RNF213: variants seen among roughly 807,000 people sequenced by gnomAD.
RNF213 encodes the protein ring finger protein 213.
Under a neutral mutation model 514.4 loss-of-function variants are expected in RNF213, and 341 were observed. The ratio of observed to expected loss-of-function variants is 0.66; its 90% CI spans 0.61 to 0.73. The LOEUF (loss-of-function observed/expected upper bound fraction) is 0.73, where lower values mean the gene tolerates loss of function less well. Among genes scored for constraint, RNF213 ranks in the 30% least tolerant of loss-of-function variants. The pLI is 0.00. For synonymous variants in RNF213, 2,655 were observed against 2,658.2 expected, an observed-to-expected ratio of 1.00 and a Z score of 0.04; for missense variants, 5,767 against 6,615.6, an observed-to-expected ratio of 0.87 and a Z score of 4.45.
Position 80,386,405 on chromosome 17 carries a change from G to A in RNF213, c.14695G>A (p.Glu4899Lys), listed in dbSNP as rs757686757. The change falls in exon 62 of 68, where the codon GAA becomes AAA. Residue 4899 changes from glutamate to lysine, a missense_variant. Around this residue, in one of 13 missense-constraint regions of RNF213, gnomAD observed 1,245 missense variants for 1,339.0 expected, o/e 0.93. Coordinates refer to ENST00000582970, the MANE Select transcript of RNF213 (RefSeq NM_001256071.3). ...ACACAATGAAATTGTCTACGCCGTG[G>A]AAAAACTCTCCAAGGAAAACAACAG... The part of the protein sequence containing the change: ...RLHNEIVYAV[E>K]KLSKENNSYS... The A allele has an allele frequency of 1.9e-6, 3 of 1,614,148 alleles. No homozygotes were observed. The East Asian group carries it at 6.7e-5, about 36-fold the overall frequency.
intron 5 of RNF213, among the ~76,000 whole-genome samples, chr17:80,289,248 G>T (rs775539434): frequency 7.9e-5 from 12 of 152,180 alleles, no homozygotes; most frequent in African/African-American, 1.7e-4. Context: ...AGCGGGGAAG[G>T]GTCGTGAACA....
At chr17:80,293,234 TA>T (rs887622620) in intron 8 of RNF213, among the ~76,000 whole-genome samples, 12 of 151,884 alleles carry the variant, frequency 7.9e-5, no homozygotes, top group South Asian at 4.2e-4. Flanking sequence ...ATTTTTCATA[TA>T]TTTTTTTTGG....
At chr17:80,296,558 C>T (rs2044957196) in intron 10 of RNF213, among the ~76,000 whole-genome samples, 1 of 152,256 alleles carries the variant, frequency 6.6e-6, no homozygotes. Flanking sequence ...GACTTGGTAC[C>T]TGCTCAGACC....
At chr17:80,337,545 G>GCTCCAACCGTGGCCCGTGTTCT in intron 23 of RNF213, 41 bp from the exon 24 acceptor site, 1 of 1,531,604 alleles carries the variant, frequency 6.5e-7, no homozygotes, top group Non-Finnish European at 8.8e-7. Flanking sequence ...CAAGATCCTC[G>GCTCCAACCGTGGCCCGTGTTCT]CTCCAACCGT....
At chr17:80,273,910 G>A (rs74347091) in intron 3 of RNF213, among the ~76,000 whole-genome samples, 7,766 of 151,910 alleles carry the variant, frequency 0.051, 294 homozygotes, top group East Asian at 0.2. Flanking sequence ...GTGAGCCACC[G>A]CGCCCGGCCT....
chr17:80,360,407 C>A, intron 38 of RNF213: 1 of 621,136 alleles, frequency 1.6e-6, no homozygotes, highest in East Asian at 2.9e-5. Context: ...GAGGCCCCGG[C>A]GGGACCAGAA....
chr17:80,381,099 A>G, intron 56 of RNF213, 112 bp downstream of exon 56: 2 of 1,102,042 alleles, frequency 1.8e-6, no homozygotes, highest in South Asian at 2.5e-5. Flanking sequence ...TTTGGAGATA[A>G]TTAGTCTACA....
chr17:80,344,839 C>A lies in RNF213; in HGVS notation c.6504C>A (p.Tyr2168Ter), dbSNP rs2078257966. ...EFCSETFQRP[Y>*]QYLRRFNQNQ... ...GCAGCGAAACTTTCCAAAGACCTTACCAGTATTTAAGACGATTCAATCAAA... is the reference window on the plus strand; with the variant it reads ...GCAGCGAAACTTTCCAAAGACCTTAACAGTATTTAAGACGATTCAATCAAA... Residue 2168 changes from tyrosine (Y) to a stop codon, truncating the protein, a stop_gained, in exon 29 of 68, where the codon TAC becomes TAA. Coordinates refer to ENST00000582970, the MANE Select transcript of RNF213 (RefSeq NM_001256071.3). LOFTEE classifies it high-confidence loss of function. 3.7e-6 allele frequency: 6 copies of A among 1,614,022 alleles called. No homozygotes were observed. The highest frequency in any genetic ancestry group is 5.1e-6 in the Non-Finnish European group (6 of 1,180,030).
In RNF213 at chr17:80,347,534, G is replaced by A. The variant is rs771221903; in HGVS notation, c.9199G>A (p.Glu3067Lys). The A allele has an allele frequency of 3.7e-6, 6 of 1,614,116 alleles. No homozygotes were observed. In the South Asian group the frequency reaches 6.6e-5, roughly 18 times the overall value. ...QTFFEGDQQP[E>K]IIFGSGFPKD... ...ATTCTTCGAGGGGGACCAGCAGCCG[G>A]AGATTATTTTTGGTTCTGGTTTCCC... The change falls in exon 29 of 68, where the codon GAG (glutamate) becomes AAG (lysine). Residue 3067 changes from glutamate (E) to lysine (K), a missense_variant. Around this residue, in one of 13 missense-constraint regions of RNF213, gnomAD observed 919 missense variants for 1,121.0 expected, o/e 0.82. Transcript: ENST00000582970. This position sits in a 1 kb window ranked among gnomAD's most constrained non-coding sequence, Gnocchi z 7.2.
Position 80,380,975 on chromosome 17 carries a change from C to G in RNF213, c.13785C>G (p.Ser4595=), listed in dbSNP as rs1171368566. 6.2e-7 allele frequency: 1 copy of G among 1,614,002 alleles called. No homozygotes were observed. The highest frequency in any genetic ancestry group is 8.5e-7 in the Non-Finnish European group (1 of 1,180,030). Residue 4595 remains serine (S), a synonymous_variant, in exon 56 of 68, where the codon TCC becomes TCG. Coordinates refer to ENST00000582970, the MANE Select transcript of RNF213 (RefSeq NM_001256071.3). ...ACTTGGCTCTGCTTCTGGGAGCGTC[C>G]CAGAGTTCCCAGGTATAACCCAGTG... ...LTHLALLLGA[S]QSSQALINII...
rs749421287 is a variant in RNF213 at position 80,294,951 on chromosome 17, T to C, written c.1703T>C (p.Ile568Thr). 3 of 1,614,002 alleles carry C rather than the reference T, an allele frequency of 1.9e-6. No individual in the cohort carries two copies. The highest frequency in any genetic ancestry group is 1.7e-6 in the Non-Finnish European group (2 of 1,180,038). The change falls in exon 9 of 68, where the codon ATT becomes ACT. Residue 568 changes from isoleucine (I) to threonine (T), a missense_variant. Coordinates refer to ENST00000582970, the MANE Select transcript of RNF213 (RefSeq NM_001256071.3). ...QFCFVLQQPMIYEGQAQLWTD... is the reference protein window; with the variant it reads ...QFCFVLQQPMTYEGQAQLWTD... ...TGCTTTGTCCTGCAACAGCCTATGA[T>C]TTATGAAGGACAGGCACAGCTGTGG... is the stretch of plus-strand genomic sequence containing the variant.
chr17:80,359,573 CAGAA>C (rs1286117946), intron 37 of RNF213, among the ~76,000 whole-genome samples: 10 of 111,916 alleles, frequency 8.9e-5, no homozygotes, highest in South Asian at 3.0e-4. Context: ...GGGAGGGAGA[CAGAA>C]GGAAGAAAGA....
At chr17:80,281,409 A>C (rs1485663861) in intron 3 of RNF213, among the ~76,000 whole-genome samples, 3 of 40,982 alleles carry the variant, frequency 7.3e-5, no homozygotes, top group Non-Finnish European at 1.0e-4. Context: ...ACACACCCCC[A>C]AGACAAACAC....
At chr17:80,318,064 C>T (rs568643998) in intron 16 of RNF213, among the ~76,000 whole-genome samples, 12 of 152,184 alleles carry the variant, frequency 7.9e-5, no homozygotes, top group Admixed American at 2.0e-4. Flanking sequence ...GACGTCTTTC[C>T]GAAGTTAAAC....
intron 46 of RNF213, chr17:80,371,504 A>G (rs1314114183): frequency 5.8e-6 from 1 of 172,158 alleles, no homozygotes; most frequent in Admixed American, 6.0e-5. Context: ...TTAACATGTA[A>G]TAGCTTTATT....
At position 80,376,378 on chromosome 17, in the gene RNF213, G is replaced by C. The variant is rs529614263; in HGVS notation, c.13263G>C (p.Ser4421=). ...SPPDISRFAT[S]LVDNSVPLLR... is the part of the protein sequence containing the mutation. ...CTGATATCAGCCGTTTTGCAACATC[G>C]CTCGTGGACAATTCTGTGCCATTGT... Residue 4421 remains serine, a synonymous_variant, in exon 52 of 68, where the codon TCG becomes TCC. Coordinates refer to ENST00000582970, the MANE Select transcript of RNF213 (RefSeq NM_001256071.3). The C allele has an allele frequency of 6.2e-7, 1 of 1,614,146 alleles. No individual in the cohort carries two copies. The highest frequency in any genetic ancestry group is 8.5e-7 in the Non-Finnish European group (1 of 1,180,030).
intron 46 of RNF213, 132 bp from the exon 47 acceptor site, chr17:80,371,742 C>T: frequency 6.5e-6 from 4 of 619,908 alleles, no homozygotes; most frequent in Non-Finnish European, 1.2e-5. Context: ...ATCTTAGAAA[C>T]CACGTATATG....
At chr17:80,327,462 CAGAG>C (rs1176334232) in intron 18 of RNF213, among the ~76,000 whole-genome samples, 2 of 139,972 alleles carry the variant, frequency 1.4e-5, no homozygotes, top group Non-Finnish European at 3.0e-5. Context: ...GCCTGGGTGA[CAGAG>C]AGAGACCCTG....
chr17:80,351,928 C>T, intron 32 of RNF213, 125 bp downstream of exon 32: 1 of 606,646 alleles, frequency 1.6e-6, no homozygotes, highest in East Asian at 3.3e-5. Context: ...GATCTCAGCT[C>T]ACTACAACCT....
Sources: allele counts gnomAD v4.1 joint callset (sites outside exome capture counted in the v4.1 genomes callset), GRCh38; gene constraint gnomAD v4.1.1; regional missense constraint gnomAD v4.1.1; non-coding constraint Gnocchi (gnomAD v3.1); transcripts MANE v1.5; gene names NCBI Gene and HGNC (gene_info 2026-07-23, HGNC 2026-07-21).